Variants in SEMA3A observed in about 807,000 individuals in gnomAD.
The protein encoded by SEMA3A is semaphorin 3A.
SEMA3A carries 29 observed loss-of-function variants against 97.9 expected under a neutral mutation model. The ratio of observed to expected loss-of-function variants is 0.30; its 90% confidence interval spans 0.22 to 0.40. SEMA3A has a LOEUF of 0.40. Ranked by LOEUF, SEMA3A falls within the 10% of genes least tolerant of loss-of-function variation. The probability of loss-of-function intolerance (pLI) is 1.00; values close to 1 mark genes in which losing one functional copy is unlikely to be tolerated. For synonymous variants in SEMA3A, 321 were observed against 323.7 expected, an observed-to-expected ratio of 0.99 and a Z score of 0.09; for missense variants, 763 against 951.3, an observed-to-expected ratio of 0.80 and a Z score of 2.60.
chr7:83,999,672 ATTAG>A (rs896674404), intron 12 of SEMA3A, among the ~76,000 whole-genome samples: 2 of 152,162 alleles, frequency 1.3e-5, no homozygotes, highest in Admixed American at 6.5e-5. Context: ...TACAGTGGAA[ATTAG>A]TTAATGAACC....
At chr7:84,387,189 T>C (rs910826410) in intron 1 of SEMA3A, among the ~76,000 whole-genome samples, 2 of 152,124 alleles carry the variant, frequency 1.3e-5, no homozygotes, top group African/African-American at 2.4e-5. Context: ...ATAAATATTA[T>C]TGATATTTAA....
intron 9 of SEMA3A, among the ~76,000 whole-genome samples, chr7:84,010,046 G>C (rs1282450436): frequency 6.6e-6 from 1 of 151,560 alleles, no homozygotes; most frequent in Non-Finnish European, 1.5e-5. Context: ...CCCTAGTGCT[G>C]TAATGCTGAA....
chr7:84,275,237 T>C (rs1215693548), intron 3 of SEMA3A, among the ~76,000 whole-genome samples: 1 of 152,068 alleles, frequency 6.6e-6, no homozygotes, highest in African/African-American at 2.4e-5. Flanking sequence ...TTACCAGACA[T>C]AGATAAGAGA....
At chr7:84,026,322 T>G (rs991586370) in intron 6 of SEMA3A, among the ~76,000 whole-genome samples, 2 of 152,328 alleles carry the variant, frequency 1.3e-5, no homozygotes, top group East Asian at 3.9e-4. Context: ...CTCCCATATC[T>G]ATTTAACTGG....
intron 2 of SEMA3A, among the ~76,000 whole-genome samples, chr7:84,321,078 A>G (rs138825367): frequency 6.6e-6 from 1 of 152,314 alleles, no homozygotes; most frequent in African/African-American, 2.4e-5. Flanking sequence ...AAGTTTGATT[A>G]CAATCACAGT....
At chr7:84,088,482 A>G (rs997151782) in intron 4 of SEMA3A, among the ~76,000 whole-genome samples, 1 of 152,110 alleles carries the variant, frequency 6.6e-6, no homozygotes, top group African/African-American at 2.4e-5. Context: ...ATGCTTGACA[A>G]CTATGCTAGT....
At chr7:84,406,377 T>A (rs1203134821) in intron 1 of SEMA3A, among the ~76,000 whole-genome samples, 1 of 152,074 alleles carries the variant, frequency 6.6e-6, no homozygotes, top group Non-Finnish European at 1.5e-5. Flanking sequence ...AATAGACCAA[T>A]AACAGGCTCT....
At chr7:84,247,022 T>C (rs1219353976) in intron 3 of SEMA3A, among the ~76,000 whole-genome samples, 1 of 152,104 alleles carries the variant, frequency 6.6e-6, no homozygotes, top group Non-Finnish European at 1.5e-5. Context: ...AAAATGTTTT[T>C]AGTGGTGAAA....
chr7:84,385,344 T>C (rs867205290), intron 1 of SEMA3A, among the ~76,000 whole-genome samples: 3 of 152,188 alleles, frequency 2.0e-5, no homozygotes, highest in Admixed American at 6.5e-5. Flanking sequence ...TTGCCCATTA[T>C]ACTTGTTGTA....
At chr7:84,290,901 T>C (rs1346010137) in intron 3 of SEMA3A, among the ~76,000 whole-genome samples, 1 of 151,952 alleles carries the variant, frequency 6.6e-6, no homozygotes, top group African/African-American at 2.4e-5. Context: ...TCTTAAAGCA[T>C]TATTTGTCTA....
chr7:84,056,125 C>G (rs1031901855), intron 5 of SEMA3A, among the ~76,000 whole-genome samples: 2 of 150,144 alleles, frequency 1.3e-5, no homozygotes, highest in East Asian at 1.9e-4. Context: ...CAGAAACTGT[C>G]AAACACAAAA....
chr7:84,133,126 A>T (rs186200083), intron 2 of SEMA3A, among the ~76,000 whole-genome samples: 1 of 152,334 alleles, frequency 6.6e-6, no homozygotes, highest in African/African-American at 2.4e-5. Context: ...AATAGATAAC[A>T]GGCATTTATT....
rs1442030951 is a variant in SEMA3A, at chr7:84,450,593, C to T, written c.-246+41867G>A. Among the ~76,000 whole-genome samples, 9 of 152,106 alleles carry T rather than the reference C, an allele frequency of 5.9e-5. No homozygotes were observed. In the East Asian group the frequency reaches 1.3e-3, roughly 23 times the overall value. ...CCTAAACTGTGGAGTACTAGCTTGC[C>T]ATTGATTATAGAATTCATTTATTCT... On this transcript the variant is annotated intron_variant, in intron 1 of 3. Coordinates refer to the SEMA3A transcript ENST00000424555.
intron 1 of SEMA3A, among the ~76,000 whole-genome samples, chr7:84,452,213 C>A (rs954624458): frequency 6.6e-6 from 1 of 152,034 alleles, no homozygotes; most frequent in Non-Finnish European, 1.5e-5. Flanking sequence ...AGAATTATCA[C>A]TTAATAAATA....
intron 4 of SEMA3A, among the ~76,000 whole-genome samples, chr7:84,064,532 G>A (rs1256016292): frequency 5.3e-5 from 8 of 151,888 alleles, no homozygotes; most frequent in African/African-American, 1.7e-4. Context: ...CCCATCTCAC[G>A]TGCAGAGACA....
intron 5 of SEMA3A, among the ~76,000 whole-genome samples, chr7:84,049,814 C>G (rs1286229187): frequency 1.3e-5 from 2 of 149,850 alleles, no homozygotes; most frequent in South Asian, 2.1e-4. Context: ...GCTGCACCCA[C>G]TAACTCATCA....
intron 3 of SEMA3A, among the ~76,000 whole-genome samples, chr7:84,296,275 A>C (rs1032759862): frequency 7.2e-5 from 11 of 152,104 alleles, no homozygotes; most frequent in Non-Finnish European, 1.5e-5. Context: ...AAAATTAGGC[A>C]TTTTGACAAA....
intron 1 of SEMA3A, among the ~76,000 whole-genome samples, chr7:84,465,225 G>A (rs1805959077): frequency 6.6e-6 from 1 of 152,108 alleles, no homozygotes; most frequent in South Asian, 2.1e-4. Flanking sequence ...GATTCTGGGA[G>A]TCCTAAATAT....
rs117043964 is a variant in SEMA3A, at chr7:84,442,826, T to C, written c.-246+49634A>G. Among the ~76,000 whole-genome samples the C allele has an allele frequency of 1.4e-4, 22 of 152,192 alleles. No homozygotes were observed. The East Asian group carries it at 4.1e-3, about 28-fold the overall frequency. On this transcript the variant is annotated intron_variant, in intron 1 of 3. Coordinates refer to the SEMA3A transcript ENST00000424555. ...ATAAAAAGTCAGCAGTAGTTGGATT[T>C]AATAATATCAGACAAAATGGACTAA... is the stretch of plus-strand genomic sequence containing the variant.
Sources: gnomAD v4.1 joint callset for allele counts (sites outside exome capture counted in the v4.1 genomes callset) on GRCh38, gnomAD v4.1.1 for gene constraint, MANE v1.5 for transcripts, NCBI Gene and HGNC (gene_info 2026-07-23, HGNC 2026-07-21) for gene names.